RBMS3: variants seen among roughly 807,000 people sequenced by gnomAD.
RBMS3 encodes RNA binding motif single stranded interacting protein 3.
A neutral mutation model predicts 66.8 loss-of-function variants in RBMS3; 27 were observed. The ratio of observed to expected loss-of-function variants is 0.40; its 90% CI spans 0.30 to 0.56. The LOEUF is 0.56. Among genes scored for constraint, RBMS3 ranks in the 20% least tolerant of loss-of-function variants. RBMS3 has a pLI of 0.40. For synonymous variants in RBMS3, 188 were observed against 183.0 expected, an observed-to-expected ratio of 1.03 and a Z score of -0.22; for missense variants, 513 against 549.5, an observed-to-expected ratio of 0.93 and a Z score of 0.66.
chr3:29,849,525 G>GAAA (rs5847599), intron 6 of RBMS3, among the ~76,000 whole-genome samples: 1 of 107,324 alleles, frequency 9.3e-6, no homozygotes, highest in Non-Finnish European at 2.0e-5. Flanking sequence ...ACTTAAAAAA[G>GAAA]AAAAAAAAAA....
chr3:29,958,133 G>T (rs575012818), intron 12 of RBMS3, among the ~76,000 whole-genome samples: 1 of 152,162 alleles, frequency 6.6e-6, no homozygotes, highest in South Asian at 2.1e-4. Context: ...AACAAACAAG[G>T]CACCCTTTCA....
rs7638756 is a variant in RBMS3, at chr3:29,609,413, G to A, written c.399+22208G>A. Among the ~76,000 whole-genome samples the A allele has an allele frequency of 4.8e-3, 723 of 152,052 alleles. 13 individuals carry two copies. Among genetic ancestry groups the A allele is most frequent in the African/African-American group, 0.016 (671 of 41,518 alleles). ...ATCTATCCTAGGTTTTAACTGGATT[G>A]TACAGTGATTCTGGGCATCCTAAGG... On this transcript the variant is annotated intron_variant, in intron 4 of 14. Coordinates refer to ENST00000383767, the MANE Select transcript of RBMS3 (RefSeq NM_001003793.3).
intron 3 of RBMS3, chr3:29,526,437 C>T (rs1056517087): frequency 5.7e-5 from 8 of 139,596 alleles, no homozygotes; most frequent in East Asian, 4.4e-4. Context: ...AGGAGAATGG[C>T]GTGAACCCGG....
chr3:29,302,485 G>A (rs919290806), intron 1 of RBMS3, among the ~76,000 whole-genome samples: 8 of 151,852 alleles, frequency 5.3e-5, no homozygotes, highest in African/African-American at 1.7e-4. Flanking sequence ...AAAATTTCAG[G>A]GAGAACACAG....
At chr3:29,804,161 A>G (rs2057472573) in intron 6 of RBMS3, among the ~76,000 whole-genome samples, 1 of 152,062 alleles carries the variant, frequency 6.6e-6, no homozygotes, top group South Asian at 2.1e-4. Flanking sequence ...AAAATGTAAG[A>G]CTGAAATTAT....
At chr3:29,740,820 T>A (rs920126911) in intron 5 of RBMS3, among the ~76,000 whole-genome samples, 1 of 152,008 alleles carries the variant, frequency 6.6e-6, no homozygotes, top group African/African-American at 2.4e-5. Flanking sequence ...GAAGGGCAGA[T>A]CACAAGGTCA....
At chr3:29,950,116 C>A (rs1695580601) in intron 12 of RBMS3, among the ~76,000 whole-genome samples, 1 of 151,804 alleles carries the variant, frequency 6.6e-6, no homozygotes. Context: ...TAAGGGAAAG[C>A]TTTCCTGGTC....
chr3:29,927,472 A>C (rs1269618619), intron 10 of RBMS3, among the ~76,000 whole-genome samples: 1 of 152,200 alleles, frequency 6.6e-6, no homozygotes, highest in Admixed American at 6.5e-5. Flanking sequence ...TGAACTTAGG[A>C]TTCAGGGAAG....
intron 1 of RBMS3, among the ~76,000 whole-genome samples, chr3:29,405,246 T>G (rs954857716): frequency 2.6e-5 from 4 of 152,140 alleles, no homozygotes; most frequent in Non-Finnish European, 5.9e-5. Flanking sequence ...AATCAAAACT[T>G]TCTCTGAGAA....
chr3:29,852,700 A>G (rs143323844), intron 6 of RBMS3, among the ~76,000 whole-genome samples: 3 of 152,080 alleles, frequency 2.0e-5, no homozygotes, highest in Admixed American at 6.6e-5. Context: ...GGAACACATA[A>G]ACTGTTGGTA....
intron 12 of RBMS3, among the ~76,000 whole-genome samples, chr3:29,968,103 A>C (rs556341642): frequency 2.5e-4 from 38 of 152,276 alleles, no homozygotes; most frequent in Non-Finnish European, 4.9e-4. Context: ...GTAGGCATTT[A>C]GGGCTTGATC....
chr3:29,671,512 C>T (rs185439757), intron 4 of RBMS3, among the ~76,000 whole-genome samples: 45 of 152,190 alleles, frequency 3.0e-4, no homozygotes, highest in East Asian at 1.9e-4. Flanking sequence ...TCGAACCCAT[C>T]GCAAAGAAGC....
At chr3:29,560,244 C>T (rs945450838) in intron 3 of RBMS3, among the ~76,000 whole-genome samples, 2 of 152,078 alleles carry the variant, frequency 1.3e-5, no homozygotes, top group East Asian at 3.9e-4. Context: ...AATAAGAGCC[C>T]ATCTGGAATT....
chr3:29,755,910 G>A (rs1311732739), intron 5 of RBMS3, among the ~76,000 whole-genome samples: 1 of 152,126 alleles, frequency 6.6e-6, no homozygotes, highest in Non-Finnish European at 1.5e-5. Flanking sequence ...GAAAGGATGA[G>A]CAGAAATACA....
At chr3:29,825,570 G>T (rs895784156) in intron 6 of RBMS3, among the ~76,000 whole-genome samples, 1 of 152,054 alleles carries the variant, frequency 6.6e-6, no homozygotes, top group African/African-American at 2.4e-5. Flanking sequence ...TCCCCTGCAC[G>T]GGCTCTCTTG....
intron 4 of RBMS3, among the ~76,000 whole-genome samples, chr3:29,693,265 G>A (rs2052116028): frequency 6.6e-6 from 1 of 152,126 alleles, no homozygotes; most frequent in South Asian, 2.1e-4. Flanking sequence ...GCTGTACAGA[G>A]CAAATTCAGA....
intron 3 of RBMS3, among the ~76,000 whole-genome samples, chr3:29,501,977 A>G (rs570608114): frequency 3.3e-5 from 5 of 152,226 alleles, no homozygotes; most frequent in African/African-American, 1.2e-4. Flanking sequence ...GCTCAGCCCC[A>G]TGAGCATACT....
At chr3:30,000,215 CA>C (rs1469156278) in intron 14 of RBMS3, among the ~76,000 whole-genome samples, 1 of 151,992 alleles carries the variant, frequency 6.6e-6, no homozygotes, top group African/African-American at 2.4e-5. Flanking sequence ...ACAACCCCAT[CA>C]AAAAGTAAAC....
At chr3:29,828,941 G>A (rs2058279684) in intron 6 of RBMS3, among the ~76,000 whole-genome samples, 1 of 151,980 alleles carries the variant, frequency 6.6e-6, no homozygotes, top group Non-Finnish European at 1.5e-5. Flanking sequence ...GTGAAGAAAT[G>A]TGTGTCTTTG....
Sources: allele counts gnomAD v4.1 joint callset (sites outside exome capture counted in the v4.1 genomes callset), GRCh38; gene constraint gnomAD v4.1.1; transcripts MANE v1.5; gene names NCBI Gene and HGNC (gene_info 2026-07-23, HGNC 2026-07-21).